INPP5A: variants seen among roughly 807,000 people sequenced by gnomAD.
The protein encoded by INPP5A is inositol polyphosphate-5-phosphatase A.
A neutral mutation model predicts 65.2 loss-of-function variants in INPP5A; 14 were observed. The observed-to-expected ratio is 0.21, with a 90% CI of 0.14 to 0.34. The LOEUF (loss-of-function observed/expected upper bound fraction) is 0.34. Ranked by LOEUF, INPP5A falls within the 10% of genes least tolerant of loss-of-function variation. INPP5A has a pLI of 1.00. For synonymous variants in INPP5A, 207 were observed against 208.3 expected, an observed-to-expected ratio of 0.99 and a Z score of 0.05; for missense variants, 431 against 545.6, an observed-to-expected ratio of 0.79 and a Z score of 2.09.
intron 1 of INPP5A, among the ~76,000 whole-genome samples, chr10:132,598,800 C>T (rs959869403): frequency 6.6e-6 from 1 of 152,212 alleles, no homozygotes; most frequent in African/African-American, 2.4e-5. Flanking sequence ...TTCCGCATGG[C>T]TGGAGAGGCC....
At chr10:132,701,872 C>T (rs1845443247) in intron 6 of INPP5A, among the ~76,000 whole-genome samples, 1 of 152,236 alleles carries the variant, frequency 6.6e-6, no homozygotes, top group African/African-American at 2.4e-5. Context: ...GGTTCTTTCT[C>T]CAAAGAGCTG....
rs1304690100 is a variant in INPP5A at position 132,666,927 on chromosome 10, T to A, written c.306+16422T>A. On this transcript the variant is annotated intron_variant, in intron 4 of 15. Transcript: ENST00000368594. ...TAATGTGTACTGAGTGTGCTGGGAA[T>A]CATAGGAGGGTAAAGGTGGTTTTTA... Among the ~76,000 whole-genome samples the A allele has an allele frequency of 2.0e-5, 3 of 152,144 alleles. No individual in the cohort carries two copies. The East Asian group carries it at 5.8e-4, about 29-fold the overall frequency.
chr10:132,661,366 G>A (rs184753362), intron 4 of INPP5A, among the ~76,000 whole-genome samples: 107 of 152,288 alleles, frequency 7.0e-4, no homozygotes, highest in Admixed American at 2.6e-3. Context: ...TGTAGTTAGT[G>A]GCTTGTAAGC....
chr10:132,713,244 G>A (rs947439824), intron 8 of INPP5A, among the ~76,000 whole-genome samples: 33 of 152,024 alleles, frequency 2.2e-4, no homozygotes. Flanking sequence ...GTGTACAGGT[G>A]TGGGTGCATG....
At chr10:132,686,691 CT>C (rs1845135815) in intron 4 of INPP5A, among the ~76,000 whole-genome samples, 1 of 152,222 alleles carries the variant, frequency 6.6e-6, no homozygotes, top group Non-Finnish European at 1.5e-5. Flanking sequence ...TTATTGCAAA[CT>C]TTATAATATT....
intron 8 of INPP5A, among the ~76,000 whole-genome samples, chr10:132,720,552 G>C (rs1214101414): frequency 1.3e-4 from 19 of 150,290 alleles, no homozygotes; most frequent in Admixed American, 1.3e-3. Flanking sequence ...TTAGACGACT[G>C]TCTTCAGGGT....
intron 1 of INPP5A, among the ~76,000 whole-genome samples, chr10:132,601,035 G>A (rs1564930461): frequency 6.6e-6 from 1 of 152,182 alleles, no homozygotes; most frequent in Non-Finnish European, 1.5e-5. Flanking sequence ...TAGTAATTCT[G>A]TTTAATTTTT....
chr10:132,632,092 G>C (rs2072282999), intron 2 of INPP5A, among the ~76,000 whole-genome samples: 1 of 152,256 alleles, frequency 6.6e-6, no homozygotes. Context: ...GGGACACTCG[G>C]TCACATCTGT....
At position 132,589,722 on chromosome 10, in the gene INPP5A, G is replaced by T. The variant is rs558199665; in HGVS notation, c.76-18193G>T. ...GCCCTGCTGCCCTGTCCTCCCAAACGGTGTTGTCTCATGGCCTTCAGAGAG... is the reference window on the plus strand; with the variant it reads ...GCCCTGCTGCCCTGTCCTCCCAAACTGTGTTGTCTCATGGCCTTCAGAGAG... On this transcript the variant is annotated intron_variant, in intron 1 of 15. Coordinates refer to ENST00000368594, the MANE Select transcript of INPP5A (RefSeq NM_005539.5). 2.0e-5 allele frequency among the ~76,000 whole-genome samples: 3 copies of T among 152,358 alleles called. No homozygotes were observed. In the East Asian group the frequency reaches 5.8e-4, roughly 29 times the overall value.
intron 5 of INPP5A, among the ~76,000 whole-genome samples, chr10:132,690,831 G>A (rs1394434709): frequency 6.6e-6 from 1 of 152,194 alleles, no homozygotes; most frequent in Non-Finnish European, 1.5e-5. Flanking sequence ...CCCGTTTGAT[G>A]GTCATGTGCT....
chr10:132,747,434 G>T (rs2134632183), intron 9 of INPP5A, among the ~76,000 whole-genome samples: 1 of 152,386 alleles, frequency 6.6e-6, no homozygotes, highest in South Asian at 2.1e-4. Flanking sequence ...CCTGGCCCAG[G>T]CTGAGACACT....
intron 1 of INPP5A, among the ~76,000 whole-genome samples, chr10:132,592,687 G>A (rs921066479): frequency 2.0e-5 from 3 of 152,234 alleles, no homozygotes; most frequent in South Asian, 2.1e-4. Flanking sequence ...GATCACAGGC[G>A]TGAGCCACCG....
At chr10:132,700,957 G>C (rs1156694398) in intron 6 of INPP5A, among the ~76,000 whole-genome samples, 1 of 152,142 alleles carries the variant, frequency 6.6e-6, no homozygotes, top group African/African-American at 2.4e-5. Flanking sequence ...AGTCGATCAG[G>C]GTGAGTCATT....
intron 2 of INPP5A, among the ~76,000 whole-genome samples, chr10:132,635,684 T>C (rs2072339583): frequency 1.3e-5 from 2 of 151,916 alleles, no homozygotes; most frequent in African/African-American, 2.4e-5. Flanking sequence ...CATGAGCCAT[T>C]GCGCCCGGCC....
At chr10:132,608,609 G>A (rs941040816) in intron 2 of INPP5A, among the ~76,000 whole-genome samples, 31 of 152,210 alleles carry the variant, frequency 2.0e-4, no homozygotes, top group African/African-American at 7.5e-4. Context: ...CCTCTCTGAG[G>A]ACTGGGTGCA....
intron 8 of INPP5A, among the ~76,000 whole-genome samples, chr10:132,717,693 C>T (rs556986934): frequency 3.7e-5 from 5 of 133,636 alleles, no homozygotes; most frequent in South Asian, 2.4e-4. Context: ...GGCTGTCTTG[C>T]GGGTTCTGTG....
intron 9 of INPP5A, among the ~76,000 whole-genome samples, chr10:132,734,520 A>G (rs1042273219): frequency 6.6e-6 from 1 of 152,070 alleles, no homozygotes; most frequent in Non-Finnish European, 1.5e-5. Context: ...TTTTTCACAC[A>G]GGCCTGTGGA....
At chr10:132,720,220 T>G (rs1845840965) in intron 8 of INPP5A, among the ~76,000 whole-genome samples, 1 of 150,668 alleles carries the variant, frequency 6.6e-6, no homozygotes, top group African/African-American at 2.5e-5. Context: ...GCACCTGGGT[T>G]CTGTCTGGGC....
At chr10:132,689,584 C>T (rs915829761) in intron 4 of INPP5A, among the ~76,000 whole-genome samples, 12 of 152,152 alleles carry the variant, frequency 7.9e-5, no homozygotes, top group African/African-American at 2.9e-4. Flanking sequence ...AGAGTTGCAC[C>T]AGGCCCCGTG....
Sources: allele counts gnomAD v4.1 joint callset (sites outside exome capture counted in the v4.1 genomes callset), GRCh38; gene constraint gnomAD v4.1.1; transcripts MANE v1.5; gene names NCBI Gene and HGNC (gene_info 2026-07-23, HGNC 2026-07-21).